CRMP1: variants seen among roughly 807,000 people sequenced by gnomAD.
The protein encoded by CRMP1 is collapsin response mediator protein 1, also known as dihydropyrimidinase-related protein 1.
A neutral mutation model predicts 68.3 loss-of-function variants in CRMP1; 19 were observed. The ratio of observed to expected loss-of-function variants is 0.28; its 90% CI spans 0.19 to 0.41. The LOEUF (loss-of-function observed/expected upper bound fraction) is 0.41, where lower values mean the gene tolerates loss of function less well. Among genes scored for constraint, CRMP1 ranks in the 10% least tolerant of loss-of-function variants. The probability of loss-of-function intolerance (pLI) is 1.00; values close to 1 mark genes in which losing one functional copy is unlikely to be tolerated. For synonymous variants in CRMP1, 439 were observed against 399.6 expected (o/e 1.10, Z -1.18); for missense variants, 791 against 967.4 (o/e 0.82, Z 2.42).
At position 5,860,641 on chromosome 4, in the gene CRMP1, T is replaced by TGCTTTATCTCCCTATAATCCATGTC. The variant is rs1713475933; in HGVS notation, c.655+384_655+385insGACATGGATTATAGGGAGATAAAGC. On this transcript the variant is annotated intron_variant, in intron 3 of 13. Transcript: ENST00000324989. The surrounding 1 kb of genome is among the most constrained non-coding windows in gnomAD (Gnocchi z 4.2). ...ATCATGTTGAAGGATTTTTTTTTTT[T>TGCTTTATCTCCCTATAATCCATGTC]TTGCTTTATCTCCCTATAATCCATG... is the stretch of plus-strand genomic sequence containing the variant. Among the ~76,000 whole-genome samples the TGCTTTATCTCCCTATAATCCATGTC allele has an allele frequency of 6.6e-6, 1 of 152,122 alleles. No homozygotes were observed. The highest frequency in any genetic ancestry group is 6.5e-5 in the Admixed American group (1 of 15,268).
rs534303350 is a variant in CRMP1 at position 5,850,623 on chromosome 4, A to C, written c.882+785T>G. ...CCTAGCACTTTACTCTTCTTATGAA[A>C]TCATTCAACTGCCTCTATAAGGTAG... On this transcript the variant is annotated intron_variant, in intron 5 of 13. Transcript: ENST00000324989. The surrounding 1 kb of genome is among the most constrained non-coding windows in gnomAD (Gnocchi z 4.4). Among the ~76,000 whole-genome samples the C allele has an allele frequency of 9.9e-5, 15 of 152,266 alleles. No homozygotes were observed. The East Asian group carries it at 2.7e-3, about 28-fold the overall frequency.
chr4:5,852,914 GCCAGTACT>G (rs1337866525), intron 4 of CRMP1, among the ~76,000 whole-genome samples: 2 of 152,126 alleles, frequency 1.3e-5, no homozygotes, highest in African/African-American at 4.8e-5. Flanking sequence ...TCCTGAAGGG[GCCAGTACT>G]CACTCACACA....
Position 5,825,789 on chromosome 4 carries a change from C to T in CRMP1, c.1804-130G>A, listed in dbSNP as rs1285098361. 4 of 782,306 alleles carry T rather than the reference C, an allele frequency of 5.1e-6. No homozygotes were observed. The African/African-American group carries it at 6.0e-5, about 12-fold the overall frequency. 48.5% of individuals were successfully genotyped at this position (782,306 alleles called of 1,614,324 possible). A position where few individuals can be genotyped will look rare whatever the true frequency, so the allele number is the denominator to read the frequency against. ...TCAAATGTGCATGCACACACACACA[C>T]AACACGCACACACGACAGGTGCACT... On this transcript the variant is annotated intron_variant, in intron 12 of 13. Coordinates refer to ENST00000324989, the MANE Select transcript of CRMP1 (RefSeq NM_001014809.3). The surrounding 1 kb of genome is among the most constrained non-coding windows in gnomAD (Gnocchi z 4.4).
In CRMP1 at chr4:5,839,514, G is replaced by T; in HGVS notation, c.1310+8C>A. On this transcript the variant is annotated splice_region_variant and intron_variant, in intron 9 of 13. Coordinates refer to ENST00000324989, the MANE Select transcript of CRMP1 (RefSeq NM_001014809.3). ...CCTCCCCCAGCCCCACGTTCTCACA[G>T]GTCTCACCAGGCCAGTAGGGAGGTC... 1.2e-6 allele frequency: 2 copies of T among 1,602,798 alleles called. No homozygotes were observed. The highest frequency in any genetic ancestry group is 8.5e-7 in the Non-Finnish European group (1 of 1,174,830).
At chr4:5,871,347 CGGT>C (rs969570695) in intron 1 of CRMP1, among the ~76,000 whole-genome samples, 9 of 152,154 alleles carry the variant, frequency 5.9e-5, no homozygotes, top group African/African-American at 2.2e-4. Context: ...AGGGGTTACC[CGGT>C]GCCGTGAGTT....
chr4:5,828,719 G>C, intron 11 of CRMP1, 51 bp from the exon 12 acceptor site: 1 of 1,595,122 alleles, frequency 6.3e-7, no homozygotes, highest in South Asian at 1.1e-5. Context: ...TGCCCCAAAC[G>C]AGCTGTTCAT....
Position 5,839,580 on chromosome 4 carries a change from A to C in CRMP1, c.1252T>G (p.Ser418Ala), listed in dbSNP as rs2152459290. 1 of 1,612,658 alleles carries C rather than the reference A, an allele frequency of 6.2e-7. No individual in the cohort carries two copies. Among genetic ancestry groups the C allele is most frequent in the East Asian group, 2.2e-5 (1 of 44,854 alleles). ...NWAKAAAFVT[S>A]PPLSPDPTTP... ...GTAGGGTCCGGGCTCAGGGGAGGGG[A>C]AGTCACGAACGCCGCAGCCTTGGCC... The change falls in exon 9 of 14, where the codon TCC becomes GCC. Residue 418 changes from serine (S) to alanine (A), a missense_variant. Physicochemically the swap from Ser to Ala is moderately conservative, Grantham distance 99. Around this residue, in one of 3 missense-constraint regions of CRMP1, gnomAD observed 594 missense variants for 763.6 expected, o/e 0.78. Coordinates refer to ENST00000324989, the MANE Select transcript of CRMP1 (RefSeq NM_001014809.3).
intron 6 of CRMP1, among the ~76,000 whole-genome samples, chr4:5,845,605 C>G (rs1006667983): frequency 6.6e-6 from 1 of 152,228 alleles, no homozygotes; most frequent in African/African-American, 2.4e-5. Flanking sequence ...CCAGAAATAG[C>G]TGAGCTGCAC....
At position 5,877,739 on chromosome 4, in the gene CRMP1, C is replaced by T. The variant is rs1714938743; in HGVS notation, c.382-10983G>A. 6.6e-6 allele frequency among the ~76,000 whole-genome samples: 1 copy of T among 151,370 alleles called. No individual in the cohort carries two copies. Among genetic ancestry groups the T allele is most frequent in the Non-Finnish European group, 1.5e-5 (1 of 68,026 alleles). The stretch of plus-strand genomic sequence containing the variant: ...CCCATGGACTGCAGGACTTTTTTTC[C>T]CCCCGATATTATGCCTGTTTCCATG... On this transcript the variant is annotated intron_variant, in intron 1 of 13. Coordinates refer to ENST00000324989, the MANE Select transcript of CRMP1 (RefSeq NM_001014809.3). This position sits in a 1 kb window ranked among gnomAD's most constrained non-coding sequence, Gnocchi z 4.3.
intron 3 of CRMP1, among the ~76,000 whole-genome samples, chr4:5,857,294 C>T (rs1440265101): frequency 6.6e-6 from 1 of 151,802 alleles, no homozygotes; most frequent in African/African-American, 2.4e-5. Flanking sequence ...CCATCTTCAT[C>T]ACCACCATCC....
intron 1 of CRMP1, among the ~76,000 whole-genome samples, chr4:5,871,840 A>C (rs954877699): frequency 6.6e-6 from 1 of 152,206 alleles, no homozygotes; most frequent in Non-Finnish European, 1.5e-5. Context: ...GAAAATCTGA[A>C]GGGATACTTT....
Position 5,836,013 on chromosome 4 carries a change from A to G in CRMP1, c.1525T>C (p.Tyr509His), listed in dbSNP as rs1720701299. 1 of 1,607,558 alleles carries G rather than the reference A, an allele frequency of 6.2e-7. No individual in the cohort carries two copies. Among genetic ancestry groups the G allele is most frequent in the Non-Finnish European group, 8.5e-7 (1 of 1,176,924 alleles). Residue 509 changes from tyrosine to histidine, a missense_variant, in exon 11 of 14, where the codon TAC (tyrosine) becomes CAC (histidine). Coordinates refer to ENST00000324989, the MANE Select transcript of CRMP1 (RefSeq NM_001014809.3). ...ACGGCAATCCGCCCTTTCCTTGGGTACAGGTTAAAGATCTTGGCTGCATTG... is the reference window on the plus strand; with the variant it reads ...ACGGCAATCCGCCCTTTCCTTGGGTGCAGGTTAAAGATCTTGGCTGCATTG... ...STNAAKIFNL[Y>H]PRKGRIAVGS...
intron 8 of CRMP1, among the ~76,000 whole-genome samples, chr4:5,840,524 G>T (rs1711640309): frequency 6.6e-6 from 1 of 152,250 alleles, no homozygotes. Context: ...AGCGCTTTCT[G>T]CAGCGAGGGG....
rs1470582428 is a variant in CRMP1 at position 5,889,402 on chromosome 4, C to T, written c.381+3187G>A. On this transcript the variant is annotated intron_variant, in intron 1 of 13. Transcript: ENST00000324989. The surrounding 1 kb of genome is among the most constrained non-coding windows in gnomAD (Gnocchi z 4.5). ...GACAAGCTGGGGGTCAGGAGGAGGACTAGGGTGCTCCTGCCTCCCAGCACT... is the reference window on the plus strand; with the variant it reads ...GACAAGCTGGGGGTCAGGAGGAGGATTAGGGTGCTCCTGCCTCCCAGCACT... Among the ~76,000 whole-genome samples the T allele has an allele frequency of 2.0e-5, 3 of 152,152 alleles. No homozygotes were observed. The highest frequency in any genetic ancestry group is 6.5e-5 in the Admixed American group (1 of 15,284).
rs1027269997 is a variant in CRMP1 at position 5,872,702 on chromosome 4, T to C, written c.382-5946A>G. 1.3e-5 allele frequency among the ~76,000 whole-genome samples: 2 copies of C among 152,168 alleles called. No homozygotes were observed. The highest frequency in any genetic ancestry group is 2.9e-5 in the Non-Finnish European group (2 of 68,036). On this transcript the variant is annotated intron_variant, in intron 1 of 13. Coordinates refer to ENST00000324989, the MANE Select transcript of CRMP1 (RefSeq NM_001014809.3). The surrounding 1 kb of genome is among the most constrained non-coding windows in gnomAD (Gnocchi z 4.6). Reference sequence around the variant, plus strand: ...ACTCCATCTCAAAAAACAATTATTATGTATAAACCTTGAAGAAATAAAGCA... The same window carrying C: ...ACTCCATCTCAAAAAACAATTATTACGTATAAACCTTGAAGAAATAAAGCA...
chr4:5,825,885 ATG>A lies in CRMP1; in HGVS notation c.1804-228_1804-227del, dbSNP rs1286970627. 6 of 514,706 alleles carry A rather than the reference ATG, an allele frequency of 1.2e-5. No homozygotes were observed. Among genetic ancestry groups the A allele is most frequent in the African/African-American group, 6.1e-5 (3 of 49,284 alleles). The allele number at this position is 514,706 out of a possible 1,614,324, so 31.9% of individuals were successfully genotyped here. A position where few individuals can be genotyped will look rare whatever the true frequency, so the allele number is the denominator to read the frequency against. On this transcript the variant is annotated intron_variant, in intron 12 of 13. Coordinates refer to ENST00000324989, the MANE Select transcript of CRMP1 (RefSeq NM_001014809.3). This position sits in a 1 kb window ranked among gnomAD's most constrained non-coding sequence, Gnocchi z 4.4. The stretch of plus-strand genomic sequence containing the variant: ...CATACACACACATCTACATACCCAC[ATG>A]CATACACATACAGACGCACACACCA...
chr4:5,851,061 G>A (rs1712581339), intron 5 of CRMP1, among the ~76,000 whole-genome samples: 1 of 152,178 alleles, frequency 6.6e-6, no homozygotes, highest in Non-Finnish European at 1.5e-5. Flanking sequence ...AGGATCAAAC[G>A]CAGAGCTTTC....
intron 11 of CRMP1, among the ~76,000 whole-genome samples, chr4:5,833,675 A>C (rs1037728877): frequency 6.6e-6 from 1 of 152,172 alleles, no homozygotes; most frequent in East Asian, 1.9e-4. Context: ...ACAAAACAGT[A>C]TTTGGCTGGA....
In CRMP1 at chr4:5,836,771, C is replaced by T; in HGVS notation, c.1446G>A (p.Lys482=). ...IEERMTVVWD[K]AVATGKMDEN... is the part of the protein sequence containing the mutation. Reference sequence around the variant, plus strand: ...AGAAGAGATCCAGCCTTACCACCGCCTTGTCCCAGACGACCGTCATCCGCT... The same window carrying T: ...AGAAGAGATCCAGCCTTACCACCGCTTTGTCCCAGACGACCGTCATCCGCT... The change falls in exon 10 of 14, where the codon AAG becomes AAA. Residue 482 remains lysine, a synonymous_variant. Coordinates refer to ENST00000324989, the MANE Select transcript of CRMP1 (RefSeq NM_001014809.3). The T allele has an allele frequency of 6.2e-7, 1 of 1,614,022 alleles. No homozygotes were observed. The highest frequency in any genetic ancestry group is 8.5e-7 in the Non-Finnish European group (1 of 1,179,882).
Sources: gnomAD v4.1 joint callset for allele counts (sites outside exome capture counted in the v4.1 genomes callset) on GRCh38, gnomAD v4.1.1 for gene constraint, gnomAD v4.1.1 regional missense constraint, Gnocchi (gnomAD v3.1) non-coding constraint, MANE v1.5 for transcripts, NCBI Gene and HGNC (gene_info 2026-07-23, HGNC 2026-07-21) for gene names.